MTMR8: variants seen among roughly 807,000 people sequenced by gnomAD.
The protein encoded by MTMR8 is myotubularin related protein 8.
A neutral mutation model predicts 39.3 loss-of-function variants in MTMR8; 65 were observed. The observed-to-expected ratio is 1.65, with a 90% CI of 1.35 to 2.03. MTMR8 has a LOEUF of 2.03. MTMR8 is among the 30% of genes most tolerant of loss of function. The probability of loss-of-function intolerance (pLI) is 0.00; values close to 1 mark genes in which losing one functional copy is unlikely to be tolerated. For synonymous variants in MTMR8, 245 were observed against 185.2 expected, an observed-to-expected ratio of 1.32 and a Z score of -2.62; for missense variants, 777 against 538.9, an observed-to-expected ratio of 1.44 and a Z score of -4.37.
intron 7 of MTMR8, among the ~76,000 whole-genome samples, chrX:64,344,580 T>C (rs944540964): frequency 1.8e-5 from 2 of 111,290 alleles, no homozygotes; most frequent in African/African-American, 6.5e-5. Context: ...CGATAACAGA[T>C]CACCAAAACT....
At chrX:64,302,351 T>C (rs1336611598) in intron 12 of MTMR8, among the ~76,000 whole-genome samples, 1 of 112,415 alleles carries the variant, frequency 8.9e-6, no homozygotes, top group East Asian at 2.8e-4. Context: ...GTCACCCCTT[T>C]CTTTGATTCG....
At chrX:64,348,899 C>A in intron 5 of MTMR8, 105 bp from the exon 6 acceptor site, 1 of 883,692 alleles carries the variant, frequency 1.1e-6, no homozygotes, top group Non-Finnish European at 1.6e-6. Flanking sequence ...GATGAGCCAA[C>A]TTAAGATAGT....
chrX:64,337,850 G>A (rs773609251), intron 8 of MTMR8, among the ~76,000 whole-genome samples: 4 of 111,451 alleles, frequency 3.6e-5, no homozygotes, highest in African/African-American at 9.8e-5. Context: ...GTCTTAGGTC[G>A]CTTTAACAAG....
chrX:64,308,987 A>G (rs1194604677), intron 12 of MTMR8, among the ~76,000 whole-genome samples: 3 of 111,945 alleles, frequency 2.7e-5, no homozygotes, highest in Non-Finnish European at 3.8e-5. Context: ...TTTGTTTCCA[A>G]TAACACCCTG....
intron 12 of MTMR8, among the ~76,000 whole-genome samples, chrX:64,313,592 C>T (rs1321060434): frequency 1.8e-5 from 2 of 112,368 alleles, no homozygotes; most frequent in Non-Finnish European, 3.7e-5. Context: ...ACGTGTCTTC[C>T]TTGCTAAGCT....
chrX:64,382,656 G>A (rs1924459012), intron 1 of MTMR8, among the ~76,000 whole-genome samples: 1 of 111,624 alleles, frequency 9.0e-6, no homozygotes, highest in Non-Finnish European at 1.9e-5. Flanking sequence ...TAGGAGTGGT[G>A]AGAGAGGGCA....
At chrX:64,336,158 A>G (rs1018998373) in intron 9 of MTMR8, 30 bp from the exon 10 acceptor site, 1 of 1,082,501 alleles carries the variant, frequency 9.2e-7, no homozygotes, top group Non-Finnish European at 1.3e-6. Context: ...AAGTGTTTGC[A>G]TTAGGAAAAT....
chrX:64,380,841 G>C (rs759303997), intron 1 of MTMR8, among the ~76,000 whole-genome samples: 1 of 111,253 alleles, frequency 9.0e-6, no homozygotes, highest in African/African-American at 3.3e-5. Flanking sequence ...GACAACATGC[G>C]GTGTTTGGTT....
intron 1 of MTMR8, among the ~76,000 whole-genome samples, chrX:64,376,417 C>T (rs755889627): frequency 3.6e-5 from 4 of 111,663 alleles, no homozygotes; most frequent in Non-Finnish European, 7.5e-5. Flanking sequence ...GATGAGGAAC[C>T]TATTGGGAAC....
intron 8 of MTMR8, among the ~76,000 whole-genome samples, chrX:64,338,094 A>T (rs1197116132): frequency 8.9e-6 from 1 of 112,189 alleles, no homozygotes; most frequent in Non-Finnish European, 1.9e-5. Flanking sequence ...AACTACTGGT[A>T]ATATACAGTA....
intron 6 of MTMR8, among the ~76,000 whole-genome samples, chrX:64,347,754 TAAG>T (rs1923381157): frequency 8.9e-6 from 1 of 112,459 alleles, no homozygotes; most frequent in African/African-American, 3.2e-5. Flanking sequence ...GGACAACATT[TAAG>T]AATATGGAAT....
chrX:64,302,437 G>C (rs1022853141), intron 12 of MTMR8, among the ~76,000 whole-genome samples: 1 of 111,882 alleles, frequency 8.9e-6, no homozygotes, highest in African/African-American at 3.3e-5. Flanking sequence ...CGGACGGTGC[G>C]CACACCCACT....
chrX:64,375,047 CAAAAAAAA>C (rs34716248), intron 1 of MTMR8, among the ~76,000 whole-genome samples: 2 of 55,996 alleles, frequency 3.6e-5, no homozygotes, highest in African/African-American at 5.5e-5. Flanking sequence ...TTGTTTTAAG[CAAAAAAAA>C]AAAAAAAAAA....
intron 1 of MTMR8, among the ~76,000 whole-genome samples, chrX:64,379,761 T>C (rs181990195): frequency 9.8e-5 from 11 of 111,813 alleles, no homozygotes; most frequent in African/African-American, 2.3e-4. Flanking sequence ...TATGAACTTT[T>C]TGGGGGACAC....
Position 64,380,922 on chromosome X carries a change from A to T in MTMR8, c.24+14418T>A, listed in dbSNP as rs752900283. Among the ~76,000 whole-genome samples the T allele has an allele frequency of 2.7e-5, 3 of 111,633 alleles. No homozygotes were observed. The South Asian group carries it at 1.1e-3, about 42-fold the overall frequency. On this transcript the variant is annotated intron_variant, in intron 1 of 13. Transcript: ENST00000374852. ...ATCCATGACCCTACAAAGGACATGA[A>T]CTCATCATTTTTTAGGGCTGCGTAG...
intron 12 of MTMR8, among the ~76,000 whole-genome samples, chrX:64,299,530 G>T (rs1314601479): frequency 2.2e-5 from 2 of 91,680 alleles, no homozygotes; most frequent in African/African-American, 8.1e-5. Context: ...CAAAAAACCA[G>T]CTCCTGGATT....
chrX:64,274,531 T>C (rs140495147), intron 12 of MTMR8, among the ~76,000 whole-genome samples: 2 of 111,588 alleles, frequency 1.8e-5, no homozygotes, highest in East Asian at 5.7e-4. Context: ...AAAATAGAAC[T>C]ACCATATGAT....
intron 12 of MTMR8, among the ~76,000 whole-genome samples, chrX:64,318,707 T>G (rs1922542582): frequency 1.1e-5 from 1 of 92,226 alleles, no homozygotes; most frequent in South Asian, 4.4e-4. Context: ...TTTGGTTTTT[T>G]GTTTTTTTTT....
intron 1 of MTMR8, among the ~76,000 whole-genome samples, chrX:64,362,832 C>T (rs1280712804): frequency 3.0e-5 from 3 of 100,283 alleles, no homozygotes; most frequent in Non-Finnish European, 5.7e-5. Context: ...TGTGCCACTC[C>T]TAAAACTAAC....
Sources: gnomAD v4.1 joint callset for allele counts (sites outside exome capture counted in the v4.1 genomes callset) on GRCh38, gnomAD v4.1.1 for gene constraint, MANE v1.5 for transcripts, NCBI Gene and HGNC (gene_info 2026-07-23, HGNC 2026-07-21) for gene names.